The following LIMS2 variants were observed in gnomAD, a reference collection of about 807,000 sequenced individuals.
LIMS2 encodes LIM zinc finger domain containing 2, also known as LIM and senescent cell antigen-like-containing domain protein 2.
LIMS2 carries 30 observed loss-of-function variants against 45.3 expected under a neutral mutation model. The observed-to-expected ratio is 0.66, with a 90% CI of 0.50 to 0.90. The LOEUF is 0.90. Among genes scored for constraint, LIMS2 ranks in the 40% least tolerant of loss-of-function variants. The pLI is 0.00. For synonymous variants in LIMS2, 173 were observed against 188.0 expected (o/e 0.92, Z 0.65); for missense variants, 485 against 468.7 (o/e 1.03, Z -0.32).
Position 127,675,246 on chromosome 2 carries a change from G to C in LIMS2, c.-222C>G, listed in dbSNP as rs1386694272. On this transcript the variant is annotated 5_prime_UTR_variant, in exon 1 of 10. Transcript: ENST00000355119. ...GGGAGGTCAAGGCTGAGGGTGGTGG[G>C]GGTGTTGGGGAGGTGACGGTGGGAG... is the stretch of plus-strand genomic sequence containing the variant. 3.5e-6 allele frequency: 1 copy of C among 286,722 alleles called. No homozygotes were observed. The highest frequency in any genetic ancestry group is 6.4e-6 in the Non-Finnish European group (1 of 156,376). 17.8% of individuals were successfully genotyped at this position (286,722 alleles called of 1,614,324 possible). A position where few individuals can be genotyped will look rare whatever the true frequency, so the allele number is the denominator to read the frequency against.
chr2:127,664,267 C>A lies in LIMS2; in HGVS notation c.12-6705G>T. On this transcript the variant is annotated intron_variant, in intron 1 of 9. Coordinates refer to ENST00000355119, the MANE Select transcript of LIMS2 (RefSeq NM_001161403.3). This position sits in a 1 kb window ranked among gnomAD's most constrained non-coding sequence, Gnocchi z 5.5. ...CTGCCCTGCCGCCGCAGCTTTCCGGCCATTGTCCCCGCCACCCGCCCCGCC... is the reference window on the plus strand; with the variant it reads ...CTGCCCTGCCGCCGCAGCTTTCCGGACATTGTCCCCGCCACCCGCCCCGCC... 8.1e-7 allele frequency: 1 copy of A among 1,230,688 alleles called. No individual in the cohort carries two copies. 76.2% of individuals were successfully genotyped at this position (1,230,688 alleles called of 1,614,324 possible).
intron 1 of LIMS2, chr2:127,674,509 G>A (rs1558905071): frequency 1.1e-5 from 6 of 550,006 alleles, no homozygotes; most frequent in Non-Finnish European, 1.4e-5. Flanking sequence ...TGCACAGCTG[G>A]TGCTTGGGCG....
In LIMS2 at chr2:127,661,529, TAGAG is replaced by T. The variant is rs567827870; in HGVS notation, c.12-3971_12-3968del. On this transcript the variant is annotated intron_variant, in intron 1 of 9. Transcript: ENST00000355119. Reference sequence around the variant, plus strand: ...TCCTCCTTTGCACATTCCTTCAAGATAGAGAGCACAGAGTCTGTCCAGTTATCCC... The same window carrying T: ...TCCTCCTTTGCACATTCCTTCAAGATAGCACAGAGTCTGTCCAGTTATCCC... 2.8e-3 allele frequency among the ~76,000 whole-genome samples: 431 copies of T among 152,196 alleles called. 2 individuals are homozygous for T. Among genetic ancestry groups the T allele is most frequent in the Admixed American group, 4.9e-3 (75 of 15,296 alleles).
At chr2:127,674,817 G>T (rs1260645742) in intron 1 of LIMS2, 197 bp downstream of exon 1, 1 of 985,258 alleles carries the variant, frequency 1.0e-6, no homozygotes, top group Non-Finnish European at 1.2e-6. Flanking sequence ...GCAGGCGCTC[G>T]CCCAGAGGAA....
upstream of LIMS2, among the ~76,000 whole-genome samples, chr2:127,678,963 AG>A: frequency 6.6e-6 from 1 of 152,266 alleles, no homozygotes; most frequent in South Asian, 2.1e-4. This position sits in a 1 kb window ranked among gnomAD's most constrained non-coding sequence, Gnocchi z 5.3. Flanking sequence ...TGTCTGTACC[AG>A]TCAGGAGCCC....
At chr2:127,661,044 A>G (rs1684614811) in intron 1 of LIMS2, among the ~76,000 whole-genome samples, 1 of 152,244 alleles carries the variant, frequency 6.6e-6, no homozygotes, top group African/African-American at 2.4e-5. Context: ...CTCCAAGAGC[A>G]AAGACGGGAC....
Position 127,675,498 on chromosome 2 carries a change from G to A in LIMS2, c.-474C>T, listed in dbSNP as rs1685473880. The stretch of plus-strand genomic sequence containing the variant: ...GCGGCCAGCGGCGGGCGCGGGTCAA[G>A]TCCTTCCCAACCCGGGCTCTGCTCG... On this transcript the variant is annotated 5_prime_UTR_variant, in exon 1 of 10. Coordinates refer to ENST00000355119, the MANE Select transcript of LIMS2 (RefSeq NM_001161403.3). Among the ~76,000 whole-genome samples the A allele has an allele frequency of 6.6e-6, 1 of 151,966 alleles. No homozygotes were observed. Among genetic ancestry groups the A allele is most frequent in the South Asian group, 2.1e-4 (1 of 4,834 alleles).
At chr2:127,654,391 C>T in intron 4 of LIMS2, 33 bp downstream of exon 4, 2 of 1,613,436 alleles carry the variant, frequency 1.2e-6, no homozygotes, top group South Asian at 2.2e-5. Flanking sequence ...GGGCTGTGGC[C>T]CAGTCCTCTC....
chr2:127,648,793 C>T (rs556944995), intron 4 of LIMS2, among the ~76,000 whole-genome samples: 11 of 151,460 alleles, frequency 7.3e-5, no homozygotes, highest in African/African-American at 1.9e-4. Context: ...TGGTGGTGTG[C>T]GCCTGTAGTC....
chr2:127,642,374 G>GGGCTTCAGGGCTGT lies in LIMS2; in HGVS notation c.510-176_510-175insACAGCCCTGAAGCC. The GGGCTTCAGGGCTGT allele has an allele frequency of 1.5e-6, 1 of 669,296 alleles. No homozygotes were observed. Among genetic ancestry groups the GGGCTTCAGGGCTGT allele is most frequent in the African/African-American group, 1.8e-5 (1 of 54,714 alleles). The allele number at this position is 669,296 out of a possible 1,614,324, so 41.5% of individuals were successfully genotyped here. On this transcript the variant is annotated intron_variant, in intron 5 of 9. Coordinates refer to ENST00000355119, the MANE Select transcript of LIMS2 (RefSeq NM_001161403.3). This position sits in a 1 kb window ranked among gnomAD's most constrained non-coding sequence, Gnocchi z 5.3. ...TTGAAGACTTCCTGTGCCCCAGACA[G>GGGCTTCAGGGCTGT]GCCCTGGAGCACAGACTTCCTGCAC...
intron 4 of LIMS2, chr2:127,646,735 C>G (rs1344286252): frequency 6.5e-6 from 1 of 152,788 alleles, no homozygotes; most frequent in African/African-American, 2.4e-5. Flanking sequence ...CTGCCCAGGC[C>G]CCGGCCCATG....
Position 127,650,520 on chromosome 2 carries a change from G to A in LIMS2, c.359+3904C>T. ...CAAGCCCTGGTTCTGCGTTTGCCTT[G>A]TGCTGAAGTTCAGAATGCCTCTGAC... On this transcript the variant is annotated intron_variant, in intron 4 of 9. Transcript: ENST00000355119. 2 of 584,488 alleles carry A rather than the reference G, an allele frequency of 3.4e-6. 1 individual carries two copies. Among genetic ancestry groups the A allele is most frequent in the South Asian group, 4.4e-5 (2 of 45,480 alleles). 36.2% of individuals were successfully genotyped at this position (584,488 alleles called of 1,614,324 possible).
At chr2:127,666,363 A>C (rs985010984) in intron 1 of LIMS2, among the ~76,000 whole-genome samples, 4 of 147,926 alleles carry the variant, frequency 2.7e-5, no homozygotes, top group Non-Finnish European at 6.0e-5. Context: ...TGGTCAAGAA[A>C]AACAGATGAA....
intron 1 of LIMS2, among the ~76,000 whole-genome samples, chr2:127,658,803 A>G (rs1573821459): frequency 6.6e-6 from 1 of 152,106 alleles, no homozygotes; most frequent in Non-Finnish European, 1.5e-5. Context: ...GAGTGACGCA[A>G]CCAGCTGGTA....
intron 1 of LIMS2, among the ~76,000 whole-genome samples, chr2:127,668,473 AC>A (rs984280225): frequency 1.3e-5 from 2 of 151,552 alleles, no homozygotes; most frequent in Non-Finnish European, 2.9e-5. Flanking sequence ...GTTCAAGACT[AC>A]CCTGGCCCAC....
At chr2:127,673,734 C>T in intron 1 of LIMS2, 1 of 1,551,472 alleles carries the variant, frequency 6.4e-7, no homozygotes, top group Non-Finnish European at 8.7e-7. Context: ...TCTCTCCCCA[C>T]TTTCTTTTCC....
chr2:127,679,662 G>C (rs980504592), upstream of LIMS2, among the ~76,000 whole-genome samples: 1 of 152,110 alleles, frequency 6.6e-6, no homozygotes, highest in African/African-American at 2.4e-5. This position sits in a 1 kb window ranked among gnomAD's most constrained non-coding sequence, Gnocchi z 5.3. Flanking sequence ...GACAGCCCAG[G>C]GCCCAACGCT....
chr2:127,661,781 T>C (rs1437791680), intron 1 of LIMS2, among the ~76,000 whole-genome samples: 2 of 152,192 alleles, frequency 1.3e-5, no homozygotes, highest in Admixed American at 1.3e-4. Context: ...AGGAGCCTGC[T>C]CTGTTCCAGG....
intron 1 of LIMS2, among the ~76,000 whole-genome samples, chr2:127,680,575 C>G (rs945258365): frequency 6.6e-6 from 1 of 152,222 alleles, no homozygotes; most frequent in Non-Finnish European, 1.5e-5. Flanking sequence ...CACGGCAGCT[C>G]AGTGAGAGAA....
Sources: gnomAD v4.1 joint callset for allele counts (sites outside exome capture counted in the v4.1 genomes callset) on GRCh38, gnomAD v4.1.1 for gene constraint, Gnocchi (gnomAD v3.1) non-coding constraint, MANE v1.5 for transcripts, NCBI Gene and HGNC (gene_info 2026-07-23, HGNC 2026-07-21) for gene names.